The following ATRNL1 variants were observed in gnomAD, a reference collection of about 807,000 sequenced individuals.
ATRNL1 encodes the protein attractin like 1, also known as attractin-like protein 1.
Under a neutral mutation model 182.7 loss-of-function variants are expected in ATRNL1, and 95 were observed. The observed-to-expected ratio is 0.52, with a 90% CI of 0.44 to 0.62. The LOEUF (loss-of-function observed/expected upper bound fraction) is 0.62, where lower values mean the gene tolerates loss of function less well. Among genes scored for constraint, ATRNL1 ranks in the 20% least tolerant of loss-of-function variants. The probability of loss-of-function intolerance (pLI) is 0.00; values close to 1 mark genes in which losing one functional copy is unlikely to be tolerated. For synonymous variants in ATRNL1, 576 were observed against 568.3 expected (o/e 1.01, Z -0.19); for missense variants, 1,471 against 1,679.5 (o/e 0.88, Z 2.17).
chr10:115,256,435 A>G lies in ATRNL1; in HGVS notation c.1688-8758A>G, dbSNP rs575662135. On this transcript the variant is annotated intron_variant, in intron 10 of 28. Coordinates refer to ENST00000355044, the MANE Select transcript of ATRNL1 (RefSeq NM_207303.4). Reference sequence around the variant, plus strand: ...CTAGTTTATTTGCATAGAGGTGTTTATAGTATTCTCTGATGGTAGTTTGTA... The same window carrying G: ...CTAGTTTATTTGCATAGAGGTGTTTGTAGTATTCTCTGATGGTAGTTTGTA... Among the ~76,000 whole-genome samples, 6 of 152,180 alleles carry G rather than the reference A, an allele frequency of 3.9e-5. No homozygotes were observed. In the South Asian group the frequency reaches 8.3e-4, roughly 21 times the overall value.
chr10:115,158,819 A>G (rs562335952), intron 5 of ATRNL1, among the ~76,000 whole-genome samples: 1 of 152,078 alleles, frequency 6.6e-6, no homozygotes, highest in African/African-American at 2.4e-5. Flanking sequence ...ATGCCACTGT[A>G]TTGTAATGCC....
intron 26 of ATRNL1, among the ~76,000 whole-genome samples, chr10:115,714,821 A>G (rs1593111938): frequency 6.6e-6 from 1 of 152,354 alleles, no homozygotes; most frequent in Non-Finnish European, 1.5e-5. Context: ...AAGGAAATAT[A>G]TTAGAATAAA....
chr10:115,419,280 AATAG>A (rs1384480529), intron 20 of ATRNL1, among the ~76,000 whole-genome samples: 2 of 152,208 alleles, frequency 1.3e-5, no homozygotes, highest in African/African-American at 4.8e-5. Context: ...TAAAAGCTAT[AATAG>A]ATAACACTAA....
At chr10:115,807,729 G>A (rs1344434123) in intron 27 of ATRNL1, among the ~76,000 whole-genome samples, 4 of 152,080 alleles carry the variant, frequency 2.6e-5, no homozygotes, top group African/African-American at 9.7e-5. Flanking sequence ...TAGAATTAAG[G>A]CCTACTGCTT....
chr10:115,485,788 G>A (rs1350397817), intron 24 of ATRNL1, among the ~76,000 whole-genome samples: 11 of 151,882 alleles, frequency 7.2e-5, no homozygotes, highest in African/African-American at 2.7e-4. Flanking sequence ...TACATGTGCA[G>A]AATGTGCAGG....
chr10:115,370,443 A>G (rs1857333496), intron 19 of ATRNL1, among the ~76,000 whole-genome samples: 1 of 152,200 alleles, frequency 6.6e-6, no homozygotes, highest in African/African-American at 2.4e-5. Context: ...TGATAATGAT[A>G]TGGACAATGA....
chr10:115,400,591 A>G (rs1844517802), intron 20 of ATRNL1, among the ~76,000 whole-genome samples: 2 of 152,022 alleles, frequency 1.3e-5, no homozygotes, highest in South Asian at 4.1e-4. Context: ...CTCTTTGAAG[A>G]TCTCTGAGAA....
chr10:115,223,259 C>T (rs535112660), intron 9 of ATRNL1, among the ~76,000 whole-genome samples: 9 of 152,112 alleles, frequency 5.9e-5, no homozygotes, highest in South Asian at 2.1e-4. Context: ...CCAGCCTGGA[C>T]GACAGAGACT....
At chr10:115,431,180 G>A (rs1254780957) in intron 21 of ATRNL1, among the ~76,000 whole-genome samples, 2 of 152,098 alleles carry the variant, frequency 1.3e-5, no homozygotes, top group Non-Finnish European at 2.9e-5. Context: ...GCCGAGGCGG[G>A]CGAATCACCT....
At chr10:115,723,585 G>T (rs1031554087) in intron 26 of ATRNL1, among the ~76,000 whole-genome samples, 19 of 124,374 alleles carry the variant, frequency 1.5e-4, no homozygotes, top group African/African-American at 5.3e-4. Flanking sequence ...TTTCGCTCTT[G>T]TTACCCAGGC....
intron 28 of ATRNL1, among the ~76,000 whole-genome samples, chr10:115,870,008 G>A (rs1555105703): frequency 1.0e-5 from 1 of 97,740 alleles, no homozygotes; most frequent in Admixed American, 1.4e-4. Context: ...TATAAATAAC[G>A]CCATGAAAAA....
chr10:115,201,546 T>C (rs1203610480), intron 8 of ATRNL1, among the ~76,000 whole-genome samples: 3 of 152,182 alleles, frequency 2.0e-5, no homozygotes, highest in Non-Finnish European at 4.4e-5. Flanking sequence ...GTTGTAGATA[T>C]GCGGCGTTAT....
rs571070749 is a variant in ATRNL1 at position 115,290,194 on chromosome 10, C to T, written c.2415+3797C>T. Among the ~76,000 whole-genome samples the T allele has an allele frequency of 7.2e-5, 11 of 151,932 alleles. No homozygotes were observed. In the East Asian group the frequency reaches 9.7e-4, roughly 13 times the overall value. On this transcript the variant is annotated intron_variant, in intron 15 of 28. Coordinates refer to ENST00000355044, the MANE Select transcript of ATRNL1 (RefSeq NM_207303.4). ...TGTTGTTTGTGTATAGAAGTGCTAC[C>T]GACTTTTGTGTGTTGATTTTGTAAC... is the stretch of plus-strand genomic sequence containing the variant.
At chr10:115,692,106 T>A (rs1946412593) in intron 26 of ATRNL1, among the ~76,000 whole-genome samples, 1 of 152,192 alleles carries the variant, frequency 6.6e-6, no homozygotes, top group South Asian at 2.1e-4. Flanking sequence ...TGAAACTTTT[T>A]CCTAGAGTTG....
intron 8 of ATRNL1, among the ~76,000 whole-genome samples, chr10:115,184,473 A>G (rs1488827204): frequency 6.6e-6 from 1 of 151,646 alleles, no homozygotes; most frequent in Non-Finnish European, 1.5e-5. Flanking sequence ...AGTAATATAT[A>G]TACATGTACT....
chr10:115,407,553 C>T (rs782035813), intron 20 of ATRNL1, among the ~76,000 whole-genome samples: 22 of 152,160 alleles, frequency 1.4e-4, no homozygotes, highest in Middle Eastern at 3.4e-3. Flanking sequence ...TTGCCACGAA[C>T]GACAGGATTT....
chr10:115,576,767 G>T (rs1440278463), intron 26 of ATRNL1, among the ~76,000 whole-genome samples: 1 of 151,870 alleles, frequency 6.6e-6, no homozygotes, highest in Admixed American at 6.6e-5. Flanking sequence ...TTTTGGTTTT[G>T]TTGCCTGAGC....
intron 21 of ATRNL1, among the ~76,000 whole-genome samples, chr10:115,437,625 A>G (rs1846464714): frequency 1.3e-5 from 2 of 151,964 alleles, no homozygotes; most frequent in South Asian, 4.1e-4. Flanking sequence ...GACTCTCGAT[A>G]TTGTTGTCAA....
chr10:115,857,789 C>G (rs1188306742), intron 28 of ATRNL1, among the ~76,000 whole-genome samples: 1 of 152,166 alleles, frequency 6.6e-6, no homozygotes, highest in Non-Finnish European at 1.5e-5. Context: ...ACTTTAAAGA[C>G]TGACCAATTA....
Sources: allele counts gnomAD v4.1 joint callset (sites outside exome capture counted in the v4.1 genomes callset), GRCh38; gene constraint gnomAD v4.1.1; transcripts MANE v1.5; gene names NCBI Gene and HGNC (gene_info 2026-07-23, HGNC 2026-07-21).